ZC3H14: variants seen among roughly 807,000 people sequenced by gnomAD.
ZC3H14 encodes zinc finger CCCH-type containing 14.
A neutral mutation model predicts 92.4 loss-of-function variants in ZC3H14; 31 were observed. The ratio of observed to expected loss-of-function variants is 0.34; its 90% confidence interval spans 0.25 to 0.45. The LOEUF (loss-of-function observed/expected upper bound fraction) is 0.45. Ranked by LOEUF, ZC3H14 falls within the 20% of genes least tolerant of loss-of-function variation. The pLI is 1.00. For synonymous variants in ZC3H14, 321 were observed against 300.9 expected (o/e 1.07, Z -0.69); for missense variants, 781 against 897.3 (o/e 0.87, Z 1.66).
intron 1 of ZC3H14, 46 bp downstream of exon 1, chr14:88,563,215 C>T (rs368493275): frequency 6.3e-7 from 1 of 1,584,256 alleles, no homozygotes; most frequent in African/African-American, 1.3e-5. Context: ...TCTCGGCGAG[C>T]GGGCGGTTGT....
rs1304556891 is a variant in ZC3H14 at position 88,624,787 on chromosome 14, GTGAAT to G, written c.*13038_*13042del. On this transcript the variant is annotated 3_prime_UTR_variant, in exon 17 of 17. Transcript: ENST00000251038. The stretch of plus-strand genomic sequence containing the variant: ...CACCCCAACATGAAAAAAATTGGAA[GTGAAT>G]TAAGACCAGAAATGAGAATCAAATA... 5.9e-6 allele frequency: 4 copies of G among 677,152 alleles called. No individual in the cohort carries two copies. The highest frequency in any genetic ancestry group is 1.8e-5 in the African/African-American group (1 of 54,620). The allele number at this position is 677,152 out of a possible 1,614,324, so 41.9% of individuals were successfully genotyped here.
Position 88,622,507 on chromosome 14 carries a change from TTAAG to T in ZC3H14, c.*10759_*10762del. ...CAAGCAAATCCATCGTTATGCATTA[TTAAG>T]TATTGTTCATTAGGCTGCAAAGGGT... On this transcript the variant is annotated 3_prime_UTR_variant, in exon 17 of 17. Transcript: ENST00000251038. The T allele has an allele frequency of 1.0e-6, 1 of 954,222 alleles. No homozygotes were observed. The highest frequency in any genetic ancestry group is 1.5e-6 in the Non-Finnish European group (1 of 669,962). The allele number at this position is 954,222 out of a possible 1,614,324, so 59.1% of individuals were successfully genotyped here.
intron 9 of ZC3H14, among the ~76,000 whole-genome samples, chr14:88,584,293 A>T (rs1286123779): frequency 6.6e-6 from 1 of 152,146 alleles, no homozygotes; most frequent in Non-Finnish European, 1.5e-5. Flanking sequence ...ATTTTTTGAG[A>T]TGTGGCAATT....
chr14:88,599,010 C>T (rs1446868693), intron 10 of ZC3H14, among the ~76,000 whole-genome samples: 1 of 152,250 alleles, frequency 6.6e-6, no homozygotes, highest in Non-Finnish European at 1.5e-5. Context: ...CTTGCTTGAA[C>T]CCAGGAGGCG....
intron 9 of ZC3H14, among the ~76,000 whole-genome samples, chr14:88,582,971 C>T (rs1055407204): frequency 6.6e-5 from 10 of 151,976 alleles, no homozygotes; most frequent in Non-Finnish European, 1.2e-4. Context: ...AGCGCACCCA[C>T]CTCATAATAT....
chr14:88,618,498 G>A lies in ZC3H14; in HGVS notation c.*6747G>A. The A allele has an allele frequency of 1.6e-5, 17 of 1,094,340 alleles. No individual in the cohort carries two copies. In the South Asian group the frequency reaches 2.6e-4, roughly 17 times the overall value. 67.8% of individuals were successfully genotyped at this position (1,094,340 alleles called of 1,614,324 possible). On this transcript the variant is annotated 3_prime_UTR_variant, in exon 17 of 17. Transcript: ENST00000251038. ...TAATAGGAGAAAAGCTCTGATAAGT[G>A]GGGGAGGAAAGGGGAGCTGTAGGTC...
At position 88,571,879 on chromosome 14, in the gene ZC3H14, G is replaced by A. The variant is rs985855726; in HGVS notation, c.236-151G>A. The A allele has an allele frequency of 4.7e-5, 23 of 492,424 alleles. No individual in the cohort carries two copies. The East Asian group carries it at 4.8e-4, about 10-fold the overall frequency. The allele number at this position is 492,424 out of a possible 1,614,324, so 30.5% of individuals were successfully genotyped here. A position where few individuals can be genotyped will look rare whatever the true frequency, so the allele number is the denominator to read the frequency against. The stretch of plus-strand genomic sequence containing the variant: ...CTTGGGAGGCCGGGGCAGGAGAATC[G>A]CTTGAACCAGGGATTTGGAGGTTGC... On this transcript the variant is annotated intron_variant, in intron 4 of 16. Coordinates refer to ENST00000251038, the MANE Select transcript of ZC3H14 (RefSeq NM_024824.5).
chr14:88,594,352 C>A, intron 9 of ZC3H14: 1 of 1,013,942 alleles, frequency 9.9e-7, no homozygotes, highest in South Asian at 3.9e-5. Context: ...TGACACATGT[C>A]TGTTTTCAGC....
At chr14:88,567,928 A>T in intron 2 of ZC3H14, 111 bp from the exon 3 acceptor site, 1 of 848,356 alleles carries the variant, frequency 1.2e-6, no homozygotes, top group Non-Finnish European at 2.0e-6. Context: ...TAATTCCAGT[A>T]GAGCTCTGCG....
intron 12 of ZC3H14, among the ~76,000 whole-genome samples, chr14:88,603,812 GT>G (rs2084953487): frequency 1.3e-5 from 2 of 152,212 alleles, no homozygotes; most frequent in Admixed American, 6.5e-5. Context: ...ATTTCCTTGA[GT>G]AATCCTCTTC....
At position 88,623,630 on chromosome 14, in the gene ZC3H14, T is replaced by C. The variant is rs1312855926; in HGVS notation, c.*11879T>C. On this transcript the variant is annotated 3_prime_UTR_variant, in exon 17 of 17. Coordinates refer to ENST00000251038, the MANE Select transcript of ZC3H14 (RefSeq NM_024824.5). ...AGTTTCACCATATTGGCCAGGCTGATCCCAAACTCCTGACCTCGTGATCCG... is the reference window on the plus strand; with the variant it reads ...AGTTTCACCATATTGGCCAGGCTGACCCCAAACTCCTGACCTCGTGATCCG... The C allele has an allele frequency of 6.6e-6, 1 of 151,868 alleles. No individual in the cohort carries two copies. The highest frequency in any genetic ancestry group is 1.5e-5 in the Non-Finnish European group (1 of 67,994). 9.4% of individuals were successfully genotyped at this position (151,868 alleles called of 1,614,324 possible).
Position 88,615,147 on chromosome 14 carries a change from C to A in ZC3H14, c.*3396C>A, listed in dbSNP as rs2140209499. The A allele has an allele frequency of 6.6e-6, 1 of 152,190 alleles. No homozygotes were observed. The highest frequency in any genetic ancestry group is 6.5e-5 in the Admixed American group (1 of 15,288). The allele number at this position is 152,190 out of a possible 1,614,324, so 9.4% of individuals were successfully genotyped here. A position where few individuals can be genotyped will look rare whatever the true frequency, so the allele number is the denominator to read the frequency against. Reference sequence around the variant, plus strand: ...ATGGCATCTGAACATAAACTGATGGCTCGAAAATGAAAATGGAAATGTAGC... The same window carrying A: ...ATGGCATCTGAACATAAACTGATGGATCGAAAATGAAAATGGAAATGTAGC... On this transcript the variant is annotated 3_prime_UTR_variant, in exon 17 of 17. Coordinates refer to ENST00000251038, the MANE Select transcript of ZC3H14 (RefSeq NM_024824.5).
intron 9 of ZC3H14, among the ~76,000 whole-genome samples, chr14:88,582,549 T>C (rs1354085385): frequency 2.0e-5 from 3 of 152,216 alleles, no homozygotes; most frequent in Non-Finnish European, 1.5e-5. Context: ...AGTGGTTGCT[T>C]TTGAAGAGGA....
chr14:88,593,368 C>T (rs1398243238), intron 9 of ZC3H14, among the ~76,000 whole-genome samples: 5 of 152,040 alleles, frequency 3.3e-5, no homozygotes, highest in East Asian at 3.9e-4. Context: ...TTGTAGAAAT[C>T]GGCAGGCTGA....
At chr14:88,570,382 A>G (rs1372032483) in intron 3 of ZC3H14, among the ~76,000 whole-genome samples, 1 of 152,218 alleles carries the variant, frequency 6.6e-6, no homozygotes, top group Non-Finnish European at 1.5e-5. Context: ...TATAACTACC[A>G]AAACAGGTTA....
Position 88,622,606 on chromosome 14 carries a change from T to G in ZC3H14, c.*10855T>G, listed in dbSNP as rs769203272. On this transcript the variant is annotated 3_prime_UTR_variant, in exon 17 of 17. Transcript: ENST00000251038. ...TATCAGCTCATGGAACATCTTACTT[T>G]GCCTCTGCACACAGAACGAACACAA... 6.3e-7 allele frequency: 1 copy of G among 1,597,342 alleles called. No homozygotes were observed. The highest frequency in any genetic ancestry group is 2.3e-5 in the East Asian group (1 of 44,174).
chr14:88,607,501 C>A, intron 13 of ZC3H14, 138 bp downstream of exon 13: 1 of 938,216 alleles, frequency 1.1e-6, no homozygotes, highest in Non-Finnish European at 1.6e-6. Flanking sequence ...TCTCAACCCT[C>A]AAGTGAGTAC....
chr14:88,611,927 T>G lies in ZC3H14; in HGVS notation c.*176T>G, dbSNP rs1460304106. ...ATTTTTCAAGTTTGTAAGTTTATTA[T>G]GTGGTTTTAACATTGGGTGTTTTTG... is the stretch of plus-strand genomic sequence containing the variant. On this transcript the variant is annotated 3_prime_UTR_variant, in exon 17 of 17. Coordinates refer to ENST00000251038, the MANE Select transcript of ZC3H14 (RefSeq NM_024824.5). The G allele has an allele frequency of 1.2e-6, 1 of 866,474 alleles. No homozygotes were observed. The highest frequency in any genetic ancestry group is 1.8e-6 in the Non-Finnish European group (1 of 563,136). 53.7% of individuals were successfully genotyped at this position (866,474 alleles called of 1,614,324 possible).
chr14:88,602,488 G>C (rs529125184), intron 11 of ZC3H14, among the ~76,000 whole-genome samples: 2 of 152,286 alleles, frequency 1.3e-5, no homozygotes, highest in African/African-American at 2.4e-5. Flanking sequence ...TAGCATAAAT[G>C]CTGCTGGCCC....
Sources: gnomAD v4.1 joint callset for allele counts (sites outside exome capture counted in the v4.1 genomes callset) on GRCh38, gnomAD v4.1.1 for gene constraint, MANE v1.5 for transcripts, NCBI Gene and HGNC (gene_info 2026-07-23, HGNC 2026-07-21) for gene names.